Variants in CECR2 observed in about 807,000 individuals in gnomAD.
CECR2 encodes chromatin remodeling regulator CECR2.
A neutral mutation model predicts 154.5 loss-of-function variants in CECR2; 30 were observed. That is an observed-to-expected ratio of 0.19 (90% CI 0.15 to 0.26). The LOEUF (loss-of-function observed/expected upper bound fraction) is 0.26. Among genes scored for constraint, CECR2 ranks in the 10% least tolerant of loss-of-function variants. The pLI, the probability that CECR2 is intolerant of heterozygous loss-of-function variation, is 1.00. For synonymous variants in CECR2, 725 were observed against 683.7 expected, an observed-to-expected ratio of 1.06 and a Z score of -0.94; for missense variants, 1,743 against 1,829.3, an observed-to-expected ratio of 0.95 and a Z score of 0.86.
intron 1 of CECR2, among the ~76,000 whole-genome samples, chr22:17,431,638 A>G (rs1344741194): frequency 1.3e-5 from 2 of 152,170 alleles, no homozygotes; most frequent in Non-Finnish European, 2.9e-5. Context: ...AAAGAAAACT[A>G]TATTTATATT....
At chr22:17,516,512 G>C (rs1428093676) in intron 8 of CECR2, among the ~76,000 whole-genome samples, 7 of 152,098 alleles carry the variant, frequency 4.6e-5, no homozygotes, top group African/African-American at 1.7e-4. Context: ...GTCAGGAGAG[G>C]GGCCTGGTAG....
At chr22:17,533,119 C>T (rs1487533787) in intron 9 of CECR2, among the ~76,000 whole-genome samples, 1 of 148,962 alleles carries the variant, frequency 6.7e-6, no homozygotes, top group Admixed American at 6.7e-5. Context: ...AGATCAAGAC[C>T]ATCCTGGCCA....
intron 2 of CECR2, among the ~76,000 whole-genome samples, chr22:17,481,058 A>AAAAAAAAAAAAAAAAG (rs1555915495): frequency 7.0e-6 from 1 of 143,360 alleles, no homozygotes; most frequent in African/African-American, 2.6e-5. Context: ...TTAAAAAAAA[A>AAAAAAAAAAAAAAAAG]AAAGGCCGGG....
intron 2 of CECR2, among the ~76,000 whole-genome samples, chr22:17,481,039 CT>C (rs369579628): frequency 1.9e-4 from 19 of 100,046 alleles, no homozygotes; most frequent in South Asian, 6.5e-4. Context: ...GACTCCATCT[CT>C]TTTTTTTTTA....
Position 17,447,918 on chromosome 22 carries a change from G to A in CECR2, c.127-29670G>A, listed in dbSNP as rs1171041127. On this transcript the variant is annotated intron_variant, in intron 1 of 18. Transcript: ENST00000262608. ...GTTTTTGTTTTTAAGTGGCTATGTG[G>A]CTCGTGGCTGCTGTGTTGGACAGTG... Among the ~76,000 whole-genome samples, 3 of 152,152 alleles carry A rather than the reference G, an allele frequency of 2.0e-5. No homozygotes were observed. The East Asian group carries it at 5.8e-4, about 29-fold the overall frequency.
At chr22:17,536,432 T>G (rs1270965103) in intron 9 of CECR2, among the ~76,000 whole-genome samples, 1 of 152,168 alleles carries the variant, frequency 6.6e-6, no homozygotes, top group Non-Finnish European at 1.5e-5. Context: ...CCAAGTGTGC[T>G]TCTCATGGCT....
chr22:17,423,292 G>A (rs191435121), intron 1 of CECR2, among the ~76,000 whole-genome samples: 89 of 152,014 alleles, frequency 5.9e-4, no homozygotes, highest in African/African-American at 1.9e-3. Context: ...ACTGGAGTTG[G>A]GTGTTCCCTT....
intron 4 of CECR2, among the ~76,000 whole-genome samples, 156 bp downstream of exon 4, chr22:17,499,705 CA>C (rs2055700714): frequency 6.6e-6 from 1 of 152,028 alleles, no homozygotes; most frequent in African/African-American, 2.4e-5. Context: ...CATGCAAAAA[CA>C]AAAAGGAATT....
At chr22:17,402,773 T>G (rs76220119) in intron 1 of CECR2, among the ~76,000 whole-genome samples, 1 of 92,532 alleles carries the variant, frequency 1.1e-5, no homozygotes, top group African/African-American at 4.6e-5. Context: ...TTTTTTTTTT[T>G]GGAGACGTAG....
Position 17,488,466 on chromosome 22 carries a change from T to C in CECR2, c.222-8937T>C, listed in dbSNP as rs187752312. On this transcript the variant is annotated intron_variant, in intron 2 of 18. Transcript: ENST00000262608. ...GTAGTCAGTCTTCCCCATACCTACA[T>C]TGTACACCTGGCAACCACTGACGAC... is the stretch of plus-strand genomic sequence containing the variant. Among the ~76,000 whole-genome samples the C allele has an allele frequency of 3.0e-4, 45 of 152,310 alleles. No homozygotes were observed. The East Asian group carries it at 3.7e-3, about 12-fold the overall frequency.
chr22:17,427,833 C>T (rs965507150), intron 1 of CECR2, among the ~76,000 whole-genome samples: 1 of 152,160 alleles, frequency 6.6e-6, no homozygotes, highest in Non-Finnish European at 1.5e-5. Flanking sequence ...CAAGTCCCCA[C>T]CTGACCCAGA....
At chr22:17,434,440 C>T (rs900332436) in intron 1 of CECR2, among the ~76,000 whole-genome samples, 3 of 152,164 alleles carry the variant, frequency 2.0e-5, no homozygotes, top group African/African-American at 7.2e-5. Flanking sequence ...CTGATGCAGG[C>T]AGTGCAAGAA....
At chr22:17,418,330 G>T (rs1299672723) in intron 1 of CECR2, among the ~76,000 whole-genome samples, 1 of 152,100 alleles carries the variant, frequency 6.6e-6, no homozygotes, top group African/African-American at 2.4e-5. Flanking sequence ...CCCAGTAATT[G>T]TGCATCCTCA....
At chr22:17,493,799 G>A (rs971567830) in intron 2 of CECR2, among the ~76,000 whole-genome samples, 5 of 152,238 alleles carry the variant, frequency 3.3e-5, no homozygotes, top group Non-Finnish European at 7.3e-5. Context: ...GGGCTGGTAT[G>A]CCTGTACTTT....
At chr22:17,381,178 C>G (rs2146470930) in intron 1 of CECR2, among the ~76,000 whole-genome samples, 1 of 152,234 alleles carries the variant, frequency 6.6e-6, no homozygotes, top group East Asian at 1.9e-4. Flanking sequence ...GATTATTTTC[C>G]ACTCTTACAC....
intron 1 of CECR2, among the ~76,000 whole-genome samples, chr22:17,452,912 T>C (rs1258549897): frequency 1.3e-5 from 2 of 152,176 alleles, no homozygotes; most frequent in African/African-American, 4.8e-5. Context: ...GGTTTTTTAA[T>C]GTCCGTGTTC....
chr22:17,443,430 C>T (rs1021502095), intron 1 of CECR2, among the ~76,000 whole-genome samples: 1 of 152,144 alleles, frequency 6.6e-6, no homozygotes, highest in African/African-American at 2.4e-5. Context: ...TCCCTTTAAG[C>T]AGCAGGAGTC....
chr22:17,448,331 C>A (rs929656567), intron 1 of CECR2, among the ~76,000 whole-genome samples: 1 of 152,080 alleles, frequency 6.6e-6, no homozygotes, highest in Non-Finnish European at 1.5e-5. Context: ...CTAGTTTCAA[C>A]TTTGTTGTGT....
chr22:17,414,475 C>T (rs535317152), intron 1 of CECR2, among the ~76,000 whole-genome samples: 1 of 141,088 alleles, frequency 7.1e-6, no homozygotes, highest in Non-Finnish European at 1.5e-5. Flanking sequence ...TTTTTTAGAA[C>T]GAAACCCATT....
Sources: allele counts gnomAD v4.1 joint callset (sites outside exome capture counted in the v4.1 genomes callset), GRCh38; gene constraint gnomAD v4.1.1; transcripts MANE v1.5; gene names NCBI Gene and HGNC (gene_info 2026-07-23, HGNC 2026-07-21).